The following FRMPD1 variants were observed in gnomAD, a reference collection of about 807,000 sequenced individuals.
The protein encoded by FRMPD1 is FERM and PDZ domain containing 1, also known as FERM and PDZ domain-containing protein 1.
FRMPD1 carries 76 observed loss-of-function variants against 117.8 expected under a neutral mutation model. The ratio of observed to expected loss-of-function variants is 0.65; its 90% confidence interval spans 0.54 to 0.78. FRMPD1 has a LOEUF of 0.78. FRMPD1 is among the 30% of genes least tolerant of loss of function. The pLI is 0.00. For missense variants in FRMPD1, 1,786 were observed against 1,964.5 expected, an observed-to-expected ratio of 0.91 and a Z score of 1.72; for synonymous variants, 783 against 770.4, an observed-to-expected ratio of 1.02 and a Z score of -0.27.
chr9:37,606,094 T>C, the FRMPD1 span, among the ~76,000 whole-genome samples: 23 of 152,272 alleles, frequency 1.5e-4, no homozygotes, highest in African/African-American at 5.5e-4. Context: ...GATGAACTTT[T>C]TGGAGCAAGG....
At chr9:37,670,594 A>T (rs1309952442) in intron 1 of FRMPD1, among the ~76,000 whole-genome samples, 4 of 152,258 alleles carry the variant, frequency 2.6e-5, no homozygotes, top group Admixed American at 2.6e-4. Context: ...AAATGAGGCC[A>T]TGTAACTAGG....
chr9:37,736,858 A>AGTGT lies in FRMPD1; in HGVS notation c.1402-221_1402-218dup, dbSNP rs60521691. On this transcript the variant is annotated intron_variant, in intron 13 of 15. Coordinates refer to ENST00000377765, the MANE Select transcript of FRMPD1 (RefSeq NM_014907.3). ...GTGAGTGAGTGTGTGAGTGCGTGAG[A>AGTGT]GTGTGTGTGTGTGTGTGTGTATGTG... Among the ~76,000 whole-genome samples, 751 of 148,180 alleles carry AGTGT rather than the reference A, an allele frequency of 5.1e-3. 4 individuals carry two copies. The highest frequency in any genetic ancestry group is 0.017 in the African/African-American group (689 of 40,132).
At chr9:37,649,416 A>G (rs1172823920), upstream of FRMPD1, among the ~76,000 whole-genome samples, 1 of 152,182 alleles carries the variant, frequency 6.6e-6, no homozygotes, top group Non-Finnish European at 1.5e-5. Context: ...GTATACTACA[A>G]AGACGGGTGA....
intron 6 of FRMPD1, 53 bp downstream of exon 6, chr9:37,719,229 G>T (rs969710684): frequency 9.3e-7 from 1 of 1,070,616 alleles, no homozygotes; most frequent in Non-Finnish European, 1.5e-6. Flanking sequence ...CTGCCTTCTG[G>T]CACATAACTC....
chr9:37,672,564 T>C (rs1020994565), intron 1 of FRMPD1, among the ~76,000 whole-genome samples: 2 of 152,216 alleles, frequency 1.3e-5, no homozygotes, highest in Non-Finnish European at 2.9e-5. Flanking sequence ...TACTGGCATC[T>C]TATAAGTGGG....
intron 8 of FRMPD1, among the ~76,000 whole-genome samples, 194 bp downstream of exon 8, chr9:37,730,047 G>T (rs2118370166): frequency 6.6e-6 from 1 of 152,324 alleles, no homozygotes; most frequent in Middle Eastern, 3.4e-3. Context: ...GCTAGTATGA[G>T]GTAGGCAGGA....
chr9:37,667,748 A>G (rs1221450243), intron 1 of FRMPD1, among the ~76,000 whole-genome samples: 2 of 152,052 alleles, frequency 1.3e-5, no homozygotes, highest in Non-Finnish European at 2.9e-5. Context: ...CTGTAATGCA[A>G]ACCACCCACA....
chr9:37,661,460 G>A (rs1821000411), intron 1 of FRMPD1, among the ~76,000 whole-genome samples: 2 of 152,176 alleles, frequency 1.3e-5, no homozygotes, highest in Admixed American at 1.3e-4. Context: ...TTCTTTTTAT[G>A]TTATCTGAAG....
chr9:37,638,606 A>G, the FRMPD1 span, among the ~76,000 whole-genome samples: 1 of 152,210 alleles, frequency 6.6e-6, no homozygotes, highest in African/African-American at 2.4e-5. Context: ...TGGTGCAGAA[A>G]GTCGAGGATG....
chr9:37,659,388 A>G (rs1820930756), intron 1 of FRMPD1, among the ~76,000 whole-genome samples: 1 of 152,138 alleles, frequency 6.6e-6, no homozygotes, highest in South Asian at 2.1e-4. Context: ...TGTTGTACAG[A>G]TGTGGGTGGG....
chr9:37,731,860 G>A (rs10814613), intron 9 of FRMPD1, among the ~76,000 whole-genome samples: 22,473 of 151,608 alleles, frequency 0.15, 1,854 homozygotes, highest in Non-Finnish European at 0.18. Context: ...GTGACAGAGC[G>A]GGATTCTGTC....
In FRMPD1 at chr9:37,684,878, C is replaced by T. The variant is rs544923450; in HGVS notation, c.-4-7760C>T. 1.4e-4 allele frequency among the ~76,000 whole-genome samples: 22 copies of T among 152,228 alleles called. 1 individual carries two copies. In the East Asian group the frequency reaches 2.5e-3, roughly 17 times the overall value. On this transcript the variant is annotated intron_variant, in intron 1 of 15. Coordinates refer to ENST00000377765, the MANE Select transcript of FRMPD1 (RefSeq NM_014907.3). ...AGGTGATCCTCCTACCTTAGCTTCC[C>T]GATTAGCTGGGATTACAGGTGTGCA...
the FRMPD1 span, among the ~76,000 whole-genome samples, chr9:37,611,027 C>A: frequency 6.6e-6 from 1 of 152,188 alleles, no homozygotes; most frequent in Admixed American, 6.5e-5. Flanking sequence ...AATAATGCTG[C>A]AGTTAATACC....
chr9:37,735,431 T>A, intron 12 of FRMPD1, 121 bp from the exon 13 acceptor site: 2 of 708,368 alleles, frequency 2.8e-6, no homozygotes. Flanking sequence ...TCTGGAGGAG[T>A]GGTGGTTAGG....
intron 1 of FRMPD1, among the ~76,000 whole-genome samples, chr9:37,685,608 T>C (rs917928200): frequency 1.2e-4 from 18 of 152,028 alleles, no homozygotes; most frequent in Non-Finnish European, 2.2e-4. Flanking sequence ...GCCGAGATCT[T>C]GCCACTGCAC....
chr9:37,737,004 G>C lies in FRMPD1; in HGVS notation c.1402-92G>C, dbSNP rs1013712549. The C allele has an allele frequency of 7.4e-6, 7 of 947,998 alleles. No homozygotes were observed. The African/African-American group carries it at 1.1e-4, about 16-fold the overall frequency. 58.7% of individuals were successfully genotyped at this position (947,998 alleles called of 1,614,324 possible). A position where few individuals can be genotyped will look rare whatever the true frequency, so the allele number is the denominator to read the frequency against. Reference sequence around the variant, plus strand: ...TGTGGACCATGGCCGGATTTACCTGGAATCTCTCGTTGGTCCCACATGGCT... The same window carrying C: ...TGTGGACCATGGCCGGATTTACCTGCAATCTCTCGTTGGTCCCACATGGCT... On this transcript the variant is annotated intron_variant, in intron 13 of 15. Coordinates refer to ENST00000377765, the MANE Select transcript of FRMPD1 (RefSeq NM_014907.3).
intron 1 of FRMPD1, among the ~76,000 whole-genome samples, chr9:37,681,141 A>G (rs923605636): frequency 6.1e-5 from 9 of 148,048 alleles, no homozygotes; most frequent in African/African-American, 2.2e-4. Flanking sequence ...TGAACCCAGG[A>G]GGCAGAGGCT....
intron 1 of FRMPD1, among the ~76,000 whole-genome samples, chr9:37,685,379 C>G (rs560626665): frequency 2.6e-5 from 4 of 152,004 alleles, no homozygotes; most frequent in Admixed American, 2.6e-4. Context: ...CGCAGTGGCT[C>G]ACGCCTGTAA....
intron 1 of FRMPD1, among the ~76,000 whole-genome samples, chr9:37,671,369 G>C (rs1179772209): frequency 6.6e-6 from 1 of 152,140 alleles, no homozygotes; most frequent in African/African-American, 2.4e-5. Flanking sequence ...TATAGAGAAG[G>C]CTCTGTTACC....
Sources: gnomAD v4.1 joint callset for allele counts (sites outside exome capture counted in the v4.1 genomes callset) on GRCh38, gnomAD v4.1.1 for gene constraint, MANE v1.5 for transcripts, NCBI Gene and HGNC (gene_info 2026-07-23, HGNC 2026-07-21) for gene names.